Variants in ALDH2 observed in about 807,000 individuals in gnomAD.
ALDH2 encodes the protein aldehyde dehydrogenase, mitochondrial.
Under a neutral mutation model 59.6 loss-of-function variants are expected in ALDH2, and 44 were observed. That is an observed-to-expected ratio of 0.74 (90% CI 0.58 to 0.95). The LOEUF is 0.95. ALDH2 is among the 40% of genes least tolerant of loss of function. The pLI is 0.00. For synonymous variants in ALDH2, 291 were observed against 284.0 expected (o/e 1.02, Z -0.25); for missense variants, 570 against 696.3 (o/e 0.82, Z 2.04).
intron 12 of ALDH2, among the ~76,000 whole-genome samples, chr12:111,806,343 A>G (rs1449912162): frequency 6.6e-6 from 1 of 152,092 alleles, no homozygotes; most frequent in Non-Finnish European, 1.5e-5. Flanking sequence ...GAAAAAACAA[A>G]CAAACAGGGA....
rs2068575237 is a variant in ALDH2 at position 111,817,359 on chromosome 12, C to T, written c.*7784C>T. ...GGACAGATTAACAGGAATCCATAGC[C>T]CAGGGATGCGACCCAAAATTATCAA... On this transcript the variant is annotated 3_prime_UTR_variant, in exon 13 of 13. Transcript: ENST00000261733. The T allele has an allele frequency of 6.6e-6, 1 of 152,108 alleles. No individual in the cohort carries two copies. The highest frequency in any genetic ancestry group is 6.5e-5 in the Admixed American group (1 of 15,272). The allele number at this position is 152,108 out of a possible 1,614,324, so 9.4% of individuals were successfully genotyped here. A position where few individuals can be genotyped will look rare whatever the true frequency, so the allele number is the denominator to read the frequency against.
intron 7 of ALDH2, 33 bp from the exon 8 acceptor site, chr12:111,792,028 T>G: frequency 1.4e-6 from 2 of 1,424,318 alleles, no homozygotes; most frequent in Non-Finnish European, 2.0e-6. Flanking sequence ...CTCCCGGCAC[T>G]GAGAGCTTGT....
At chr12:111,795,186 G>T (rs1463006207) in intron 9 of ALDH2, among the ~76,000 whole-genome samples, 3 of 152,204 alleles carry the variant, frequency 2.0e-5, no homozygotes, top group Admixed American at 1.3e-4. Flanking sequence ...ATATTCCATT[G>T]TGTGAATAGA....
chr12:111,803,951 A>G lies in ALDH2; in HGVS notation c.1499A>G (p.Gln500Arg). ...SGRELGEYGL[Q>R]AYTEVKTVTV... is the part of the protein sequence containing the mutation. ...CGGGAGTTGGGCGAGTACGGGCTGC[A>G]GGCATACACTGAAGTGAAAACTGTG... The change falls in exon 12 of 13, where the codon CAG becomes CGG. Residue 500 changes from glutamine (Q) to arginine (R), a missense_variant. Transcript: ENST00000261733. 4 of 1,610,504 alleles carry G rather than the reference A, an allele frequency of 2.5e-6. No homozygotes were observed. Among genetic ancestry groups the G allele is most frequent in the Non-Finnish European group, 3.4e-6 (4 of 1,178,148 alleles).
At chr12:111,767,504 C>G (rs1356654206) in intron 1 of ALDH2, among the ~76,000 whole-genome samples, 3 of 152,244 alleles carry the variant, frequency 2.0e-5, no homozygotes, top group Non-Finnish European at 4.4e-5. Context: ...TACCCCCTGA[C>G]TCATGCCCTC....
intron 1 of ALDH2, among the ~76,000 whole-genome samples, chr12:111,769,008 C>T (rs767593650): frequency 2.6e-5 from 4 of 152,274 alleles, no homozygotes; most frequent in South Asian, 2.1e-4. Flanking sequence ...GAACAGCCAT[C>T]GCCCTAGGAA....
intron 12 of ALDH2, among the ~76,000 whole-genome samples, chr12:111,808,250 A>T (rs2068511993): frequency 2.0e-5 from 3 of 152,128 alleles, no homozygotes; most frequent in African/African-American, 7.2e-5. Flanking sequence ...CATCTAGGGC[A>T]TGGGGAATGG....
In ALDH2 at chr12:111,811,467, TTTTTTTTTTTCTTC is replaced by T. The variant is rs2068535257; in HGVS notation, c.*1903_*1916del. ...ATTTGAGTCTTGACAATGTATTTTC[TTTTTTTTTTTCTTC>T]TTTTTTTTTTGAGACTGAGTCTCGG... On this transcript the variant is annotated 3_prime_UTR_variant, in exon 13 of 13. Coordinates refer to ENST00000261733, the MANE Select transcript of ALDH2 (RefSeq NM_000690.4). The T allele has an allele frequency of 7.0e-6, 1 of 142,022 alleles. No individual in the cohort carries two copies. Among genetic ancestry groups the T allele is most frequent in the South Asian group, 2.2e-4 (1 of 4,638 alleles). The allele number at this position is 142,022 out of a possible 1,614,324, so 8.8% of individuals were successfully genotyped here.
chr12:111,778,387 A>G (rs2068248420), intron 1 of ALDH2, among the ~76,000 whole-genome samples: 1 of 152,022 alleles, frequency 6.6e-6, no homozygotes, highest in African/African-American at 2.4e-5. Flanking sequence ...TCTACTAGAA[A>G]TACAAAAATT....
At chr12:111,770,943 A>G (rs543044407) in intron 1 of ALDH2, among the ~76,000 whole-genome samples, 1 of 151,014 alleles carries the variant, frequency 6.6e-6, no homozygotes, top group Admixed American at 6.6e-5. Context: ...GCAGCCAGCC[A>G]ATTTTTTATA....
chr12:111,770,719 A>G (rs2068192659), intron 1 of ALDH2, among the ~76,000 whole-genome samples: 1 of 151,912 alleles, frequency 6.6e-6, no homozygotes, highest in Non-Finnish European at 1.5e-5. Flanking sequence ...ATCTTGGCTC[A>G]CTCTAACCTC....
chr12:111,781,477 A>G (rs2068270952), intron 1 of ALDH2, among the ~76,000 whole-genome samples: 1 of 152,222 alleles, frequency 6.6e-6, no homozygotes, highest in Non-Finnish European at 1.5e-5. Context: ...GAGTAAGTGC[A>G]GAAGCCATCT....
intron 1 of ALDH2, among the ~76,000 whole-genome samples, chr12:111,770,079 G>A (rs1478640830): frequency 6.6e-6 from 1 of 150,426 alleles, no homozygotes; most frequent in South Asian, 2.1e-4. Context: ...GGGAGGCAGA[G>A]GTTGCAGTGA....
At chr12:111,785,829 A>G (rs894430085) in intron 4 of ALDH2, among the ~76,000 whole-genome samples, 8 of 152,244 alleles carry the variant, frequency 5.3e-5, no homozygotes, top group Admixed American at 4.6e-4. Flanking sequence ...ATCCTTCAAT[A>G]TCACAAATTG....
intron 9 of ALDH2, among the ~76,000 whole-genome samples, chr12:111,797,300 T>G (rs2068412956): frequency 1.3e-5 from 2 of 152,230 alleles, no homozygotes; most frequent in African/African-American, 4.8e-5. Context: ...ACAGATCTAT[T>G]AGTGATGACA....
chr12:111,779,849 G>A (rs2068259583), intron 1 of ALDH2, among the ~76,000 whole-genome samples: 1 of 152,224 alleles, frequency 6.6e-6, no homozygotes, highest in Admixed American at 6.5e-5. Flanking sequence ...CCATCGCCCA[G>A]TGCCTGGAAA....
At chr12:111,792,027 C>T in intron 7 of ALDH2, 34 bp from the exon 8 acceptor site, 1 of 1,420,718 alleles carries the variant, frequency 7.0e-7, no homozygotes, top group Non-Finnish European at 1.0e-6. Context: ...TCTCCCGGCA[C>T]TGAGAGCTTG....
At chr12:111,789,083 T>A (rs2068335374) in intron 4 of ALDH2, among the ~76,000 whole-genome samples, 6 of 147,588 alleles carry the variant, frequency 4.1e-5, no homozygotes, top group Admixed American at 2.7e-4. Flanking sequence ...AGTGGCGTGA[T>A]CTCGGCTCAC....
At chr12:111,798,993 A>T (rs917440423) in intron 10 of ALDH2, among the ~76,000 whole-genome samples, 1 of 149,536 alleles carries the variant, frequency 6.7e-6, no homozygotes, top group African/African-American at 2.5e-5. Context: ...TAGGCAACAG[A>T]GCGGGACTCT....
Sources: gnomAD v4.1 joint callset for allele counts (sites outside exome capture counted in the v4.1 genomes callset) on GRCh38, gnomAD v4.1.1 for gene constraint, MANE v1.5 for transcripts, NCBI Gene and HGNC (gene_info 2026-07-23, HGNC 2026-07-21) for gene names.